STAT3: variants seen among roughly 807,000 people sequenced by gnomAD.
STAT3 encodes signal transducer and activator of transcription 3, also known as DNA-binding protein APRF.
A neutral mutation model predicts 114.3 loss-of-function variants in STAT3; 7 were observed. The ratio of observed to expected loss-of-function variants is 0.06; its 90% CI spans 0.03 to 0.11. STAT3 has a LOEUF of 0.11. Ranked by LOEUF, STAT3 falls within the 10% of genes least tolerant of loss-of-function variation. The probability of loss-of-function intolerance (pLI) is 1.00; values close to 1 mark genes in which losing one functional copy is unlikely to be tolerated. For synonymous variants in STAT3, 331 were observed against 354.5 expected, an observed-to-expected ratio of 0.93 and a Z score of 0.74; for missense variants, 364 against 960.9, an observed-to-expected ratio of 0.38 and a Z score of 8.21.
At chr17:42,350,960 G>A (rs896595251) in intron 1 of STAT3, among the ~76,000 whole-genome samples, 1 of 151,762 alleles carries the variant, frequency 6.6e-6, no homozygotes, top group Admixed American at 6.6e-5. Flanking sequence ...GTGAAACCCC[G>A]TCTCTACTAA....
intron 1 of STAT3, among the ~76,000 whole-genome samples, chr17:42,355,018 A>G (rs529666842): frequency 2.0e-5 from 3 of 152,312 alleles, no homozygotes; most frequent in South Asian, 4.1e-4. Context: ...GCTACAAACC[A>G]TATTTAATTA....
At chr17:42,375,640 C>G (rs1488478946) in intron 1 of STAT3, among the ~76,000 whole-genome samples, 1 of 151,374 alleles carries the variant, frequency 6.6e-6, no homozygotes, top group Non-Finnish European at 1.5e-5. Flanking sequence ...ACCAGCCTGA[C>G]CAACATGGAG....
intron 1 of STAT3, among the ~76,000 whole-genome samples, chr17:42,352,902 T>G (rs1354395266): frequency 1.3e-5 from 2 of 152,162 alleles, no homozygotes; most frequent in Non-Finnish European, 2.9e-5. Flanking sequence ...AAATACACAC[T>G]GGATTTTGAG....
In STAT3 at chr17:42,329,759, G is replaced by A. The variant is rs373083464; in HGVS notation, c.1127C>T (p.Ala376Val). The change falls in exon 12 of 24, where the codon GCA becomes GTA. Residue 376 changes from alanine to valine, a missense_variant. Coordinates refer to ENST00000264657, the MANE Select transcript of STAT3 (RefSeq NM_139276.3). ...AGGCTGAACTTACCCTCTGAGAGCT[G>A]CAACGTCCCCAGAGTCTCTGTAAGA... ...VCIDKDSGDV[A>V]ALRGSRKFNI... The A allele has an allele frequency of 1.9e-5, 31 of 1,614,110 alleles. No homozygotes were observed. Among genetic ancestry groups the A allele is most frequent in the Non-Finnish European group, 2.5e-5 (30 of 1,180,046 alleles).
At chr17:42,386,480 T>C (rs947076144) in intron 1 of STAT3, among the ~76,000 whole-genome samples, 6 of 152,106 alleles carry the variant, frequency 3.9e-5, no homozygotes, top group Non-Finnish European at 8.8e-5. Context: ...TTCATAACTG[T>C]GCTGTGGGTA....
In STAT3 at chr17:42,316,826, A is replaced by C; in HGVS notation, c.2220T>G (p.Asn740Lys). Residue 740 changes from asparagine (N) to lysine (K), a missense_variant, in exon 23 of 24, where the codon AAT becomes AAG. Coordinates refer to ENST00000264657, the MANE Select transcript of STAT3 (RefSeq NM_139276.3). ...CTGCTGAGGGTTCAGCACCTTCACC[A>C]TTATTTCCAAACTGCATCAATGAAT... The part of the protein sequence containing the change: ...TLDSLMQFGN[N>K]GEGAEPSAGG... The C allele has an allele frequency of 6.2e-7, 1 of 1,613,650 alleles. No individual in the cohort carries two copies. Among genetic ancestry groups the C allele is most frequent in the East Asian group, 2.2e-5 (1 of 44,852 alleles).
In STAT3 at chr17:42,323,148, A is replaced by G. The variant is rs1163930891; in HGVS notation, c.1749-5T>C. 6.2e-7 allele frequency: 1 copy of G among 1,614,086 alleles called. No homozygotes were observed. Among genetic ancestry groups the G allele is most frequent in the Non-Finnish European group, 8.5e-7 (1 of 1,180,048 alleles). On this transcript the variant is annotated splice_polypyrimidine_tract_variant and splice_region_variant and intron_variant, in intron 19 of 23. Transcript: ENST00000264657. ...CTGATAAAGCCCATGATGTACCTGG[A>G]GCCAAGGAGGAGGAACAATGTTGTT...
At chr17:42,342,204 C>G (rs1220842117) in intron 4 of STAT3, among the ~76,000 whole-genome samples, 1 of 152,084 alleles carries the variant, frequency 6.6e-6, no homozygotes, top group African/African-American at 2.4e-5. Context: ...TCACTAGGGC[C>G]GGACACAGTG....
At chr17:42,315,926 C>G in intron 23 of STAT3, 126 bp from the exon 24 acceptor site, 1 of 1,575,814 alleles carries the variant, frequency 6.3e-7, no homozygotes, top group Non-Finnish European at 8.6e-7. Flanking sequence ...CCCCTTAAGG[C>G]CCAGGGATGG....
chr17:42,316,295 G>A, intron 23 of STAT3: 1 of 346,436 alleles, frequency 2.9e-6, no homozygotes. Flanking sequence ...GAGTGCAGTG[G>A]CACGATCTCT....
At chr17:42,380,381 CTTT>C (rs1178875268) in intron 1 of STAT3, among the ~76,000 whole-genome samples, 1 of 150,948 alleles carries the variant, frequency 6.6e-6, no homozygotes, top group South Asian at 2.1e-4. Context: ...CCTAATTATG[CTTT>C]TTGTTTTTCG....
At position 42,314,176 on chromosome 17, in the gene STAT3, G is replaced by A. The variant is rs902193273; in HGVS notation, c.*1569C>T. 5 of 232,600 alleles carry A rather than the reference G, an allele frequency of 2.1e-5. 1 individual carries two copies. The allele number at this position is 232,600 out of a possible 1,614,324, so 14.4% of individuals were successfully genotyped here. On this transcript the variant is annotated 3_prime_UTR_variant, in exon 24 of 24. Transcript: ENST00000264657. The stretch of plus-strand genomic sequence containing the variant: ...AGTCACCAGCCTCAGAGGGAGGCCA[G>A]GTATACACCCTCATACGAGGGCAGA...
Position 42,313,379 on chromosome 17 carries a change from CAA to C in STAT3, c.*2364_*2365del, listed in dbSNP as rs397857989. 2,699 of 85,230 alleles carry C rather than the reference CAA, an allele frequency of 0.032. No individual in the cohort carries two copies. The highest frequency in any genetic ancestry group is 0.085 in the East Asian group (517 of 6,074). The allele number at this position is 85,230 out of a possible 1,614,324, so 5.3% of individuals were successfully genotyped here. A position where few individuals can be genotyped will look rare whatever the true frequency, so the allele number is the denominator to read the frequency against. ...AGTTAAAGTAGATACAGCAATATAC[CAA>C]AAAAAAAAAAAAAAAAAAAAGACAA... On this transcript the variant is annotated 3_prime_UTR_variant, in exon 24 of 24. Transcript: ENST00000264657.
intron 4 of STAT3, among the ~76,000 whole-genome samples, chr17:42,343,498 G>A (rs1364535886): frequency 2.4e-5 from 3 of 123,560 alleles, no homozygotes; most frequent in Admixed American, 1.0e-4. Flanking sequence ...TCGCTCTGTC[G>A]CCCAGGAGTG....
intron 4 of STAT3, among the ~76,000 whole-genome samples, chr17:42,340,772 T>TG (rs2082412674): frequency 6.6e-6 from 1 of 152,156 alleles, no homozygotes; most frequent in African/African-American, 2.4e-5. Context: ...ATTGGTAAGA[T>TG]GGAGAGAAAG....
rs2082099478 is a variant in STAT3, at chr17:42,333,301, G to A, written c.1049+372C>T. Among the ~76,000 whole-genome samples the A allele has an allele frequency of 6.6e-6, 1 of 151,966 alleles. No homozygotes were observed. Among genetic ancestry groups the A allele is most frequent in the African/African-American group, 2.4e-5 (1 of 41,360 alleles). Reference sequence around the variant, plus strand: ...TACAGGCCCACCACCCACCTGCCCTGGGGCCTCTCAGCTTCCCCATCACTA... The same window carrying A: ...TACAGGCCCACCACCCACCTGCCCTAGGGCCTCTCAGCTTCCCCATCACTA... On this transcript the variant is annotated intron_variant, in intron 10 of 23. Transcript: ENST00000264657. The surrounding 1 kb of genome is among the most constrained non-coding windows in gnomAD (Gnocchi z 5.2).
chr17:42,378,352 T>A (rs555379295), intron 1 of STAT3, among the ~76,000 whole-genome samples: 2 of 152,198 alleles, frequency 1.3e-5, no homozygotes, highest in Admixed American at 6.5e-5. Context: ...TTCAAGCGAT[T>A]CTCTTGCTTT....
intron 1 of STAT3, among the ~76,000 whole-genome samples, chr17:42,377,548 A>G (rs1366462633): frequency 6.6e-6 from 1 of 152,228 alleles, no homozygotes; most frequent in African/African-American, 2.4e-5. Context: ...ATGCATACAT[A>G]TGAAGTAACT....
rs1036349696 is a variant in STAT3 at position 42,388,309 on chromosome 17, G to C, written c.-54C>G. 4.9e-6 allele frequency: 6 copies of C among 1,231,748 alleles called. No homozygotes were observed. The highest frequency in any genetic ancestry group is 1.6e-5 in the African/African-American group (1 of 64,416). 76.3% of individuals were successfully genotyped at this position (1,231,748 alleles called of 1,614,324 possible). On this transcript the variant is annotated 5_prime_UTR_variant, in exon 1 of 24. Transcript: ENST00000264657. ...TCTCCGGCAGAGGCCGAGAGGCCGG[G>C]GCTGCGCGTGTGCCGGGGACGGGCG...
Sources: gnomAD v4.1 joint callset for allele counts (sites outside exome capture counted in the v4.1 genomes callset) on GRCh38, gnomAD v4.1.1 for gene constraint, Gnocchi (gnomAD v3.1) non-coding constraint, MANE v1.5 for transcripts, NCBI Gene and HGNC (gene_info 2026-07-23, HGNC 2026-07-21) for gene names.